PTPRM: variants seen among roughly 807,000 people sequenced by gnomAD.
PTPRM encodes protein tyrosine phosphatase receptor type M, also known as receptor-type tyrosine-protein phosphatase mu.
In PTPRM, 47 loss-of-function variants were observed where a neutral mutation model predicts 186.7. The observed-to-expected ratio is 0.25, with a 90% CI of 0.20 to 0.32. The LOEUF (loss-of-function observed/expected upper bound fraction) is 0.32. Among genes scored for constraint, PTPRM ranks in the 10% least tolerant of loss-of-function variants. The pLI, the probability that PTPRM is intolerant of heterozygous loss-of-function variation, is 1.00. For synonymous variants in PTPRM, 668 were observed against 674.9 expected (o/e 0.99, Z 0.16); for missense variants, 1,494 against 1,865.0 (o/e 0.80, Z 3.66).
chr18:8,234,783 C>T (rs1374952835), intron 14 of PTPRM, among the ~76,000 whole-genome samples: 1 of 151,992 alleles, frequency 6.6e-6, no homozygotes. Context: ...TTGCTGAAAA[C>T]ATTTATCAAG....
chr18:7,922,680 T>C (rs559855161), intron 4 of PTPRM, among the ~76,000 whole-genome samples: 224 of 152,324 alleles, frequency 1.5e-3, no homozygotes, highest in African/African-American at 5.1e-3. Context: ...ATCTCTGTGC[T>C]GTATATTTAT....
intron 7 of PTPRM, among the ~76,000 whole-genome samples, chr18:8,019,244 G>C (rs541192461): frequency 6.6e-6 from 1 of 152,264 alleles, no homozygotes; most frequent in African/African-American, 2.4e-5. Flanking sequence ...GAATGACTTT[G>C]GGCAAGTTAC....
At chr18:7,927,132 T>C (rs1228859919) in intron 5 of PTPRM, among the ~76,000 whole-genome samples, 1 of 152,214 alleles carries the variant, frequency 6.6e-6, no homozygotes, top group African/African-American at 2.4e-5. Flanking sequence ...ATATTTTACT[T>C]TTGAGCTTTT....
chr18:7,673,749 C>T (rs1329447072), intron 1 of PTPRM, among the ~76,000 whole-genome samples: 5 of 152,186 alleles, frequency 3.3e-5, no homozygotes, highest in African/African-American at 7.2e-5. Flanking sequence ...TATGTGCTTG[C>T]AGGTCAGAAG....
chr18:7,915,157 G>A (rs761572683), intron 4 of PTPRM, among the ~76,000 whole-genome samples: 10 of 152,098 alleles, frequency 6.6e-5, no homozygotes, highest in African/African-American at 2.4e-4. Flanking sequence ...ATTAATACAC[G>A]AAAACCTCTA....
At chr18:8,278,514 G>T (rs766767403) in intron 19 of PTPRM, among the ~76,000 whole-genome samples, 2 of 152,148 alleles carry the variant, frequency 1.3e-5, no homozygotes, top group Non-Finnish European at 1.5e-5. Context: ...CTGATTGAGG[G>T]ATTGCTGCAG....
intron 14 of PTPRM, among the ~76,000 whole-genome samples, chr18:8,160,692 TC>T (rs2093213715): frequency 6.6e-6 from 1 of 152,186 alleles, no homozygotes; most frequent in Non-Finnish European, 1.5e-5. Context: ...TATCTAGACT[TC>T]CGTCTTCAGT....
At chr18:8,348,876 A>C (rs2095519584) in intron 23 of PTPRM, among the ~76,000 whole-genome samples, 1 of 152,214 alleles carries the variant, frequency 6.6e-6, no homozygotes, top group Non-Finnish European at 1.5e-5. Context: ...CACTCTGAAT[A>C]GTTCTGATAA....
intron 1 of PTPRM, among the ~76,000 whole-genome samples, chr18:7,713,119 A>G (rs2040247622): frequency 6.6e-6 from 1 of 152,192 alleles, no homozygotes; most frequent in South Asian, 2.1e-4. Context: ...GAAGCCAGAG[A>G]GAAAGGTTGC....
intron 29 of PTPRM, among the ~76,000 whole-genome samples, chr18:8,383,336 A>G (rs1329439579): frequency 7.3e-6 from 1 of 137,654 alleles, no homozygotes; most frequent in Non-Finnish European, 1.6e-5. Flanking sequence ...AAAAAGGTAG[A>G]TGCTACTCAA....
intron 13 of PTPRM, among the ~76,000 whole-genome samples, chr18:8,137,943 C>T (rs927479057): frequency 5.9e-5 from 9 of 152,166 alleles, no homozygotes; most frequent in Admixed American, 5.9e-4. Context: ...GGAAGAGGCA[C>T]ATACTCAACT....
At chr18:7,584,131 G>C (rs535476654) in intron 1 of PTPRM, among the ~76,000 whole-genome samples, 1 of 152,244 alleles carries the variant, frequency 6.6e-6, no homozygotes, top group East Asian at 1.9e-4. Context: ...AGTGTCATTA[G>C]GGAGAATTAC....
intron 7 of PTPRM, among the ~76,000 whole-genome samples, chr18:8,039,015 C>A (rs185550225): frequency 6.6e-6 from 1 of 152,026 alleles, no homozygotes; most frequent in African/African-American, 2.4e-5. Context: ...TAGAGAAAAC[C>A]TGATACATTT....
At chr18:7,710,966 A>G (rs1490969975) in intron 1 of PTPRM, among the ~76,000 whole-genome samples, 1 of 152,196 alleles carries the variant, frequency 6.6e-6, no homozygotes, top group Non-Finnish European at 1.5e-5. Flanking sequence ...GAAAATGACC[A>G]TACTGCCAAA....
At chr18:8,360,351 G>A (rs576489028) in intron 23 of PTPRM, among the ~76,000 whole-genome samples, 2 of 152,054 alleles carry the variant, frequency 1.3e-5, no homozygotes, top group Non-Finnish European at 2.9e-5. Flanking sequence ...TTCTAGCAGT[G>A]AGAAGGTGGA....
intron 1 of PTPRM, among the ~76,000 whole-genome samples, chr18:7,588,164 C>A (rs182945099): frequency 1.3e-5 from 2 of 152,204 alleles, no homozygotes; most frequent in East Asian, 3.9e-4. Context: ...TGCTATTTTT[C>A]TGGTAAATGT....
intron 1 of PTPRM, among the ~76,000 whole-genome samples, chr18:7,742,146 A>T (rs2040895755): frequency 6.6e-6 from 1 of 152,246 alleles, no homozygotes; most frequent in Non-Finnish European, 1.5e-5. Context: ...GGTATATGGT[A>T]GCACAGTGTA....
chr18:8,392,928 A>G (rs1489042109), intron 31 of PTPRM, among the ~76,000 whole-genome samples: 2 of 152,234 alleles, frequency 1.3e-5, no homozygotes, highest in Non-Finnish European at 2.9e-5. Flanking sequence ...ATAATAGGGA[A>G]GAAGAGACAG....
At chr18:7,852,419 A>T (rs1029368856) in intron 2 of PTPRM, among the ~76,000 whole-genome samples, 21 of 151,910 alleles carry the variant, frequency 1.4e-4, no homozygotes, top group East Asian at 5.8e-4. Context: ...TCTACAAAAA[A>T]ATTTTTTTTA....
Sources: allele counts gnomAD v4.1 joint callset (sites outside exome capture counted in the v4.1 genomes callset), GRCh38; gene constraint gnomAD v4.1.1; transcripts MANE v1.5; gene names NCBI Gene and HGNC (gene_info 2026-07-23, HGNC 2026-07-21).